The following TNFRSF10C variants were observed in gnomAD, a reference collection of about 807,000 sequenced individuals.
TNFRSF10C encodes tumor necrosis factor receptor superfamily member 10C.
A neutral mutation model predicts 16.7 loss-of-function variants in TNFRSF10C; 17 were observed. That is an observed-to-expected ratio of 1.02 (90% CI 0.70 to 1.53). The LOEUF (loss-of-function observed/expected upper bound fraction) is 1.53, where lower values mean the gene tolerates loss of function less well. TNFRSF10C is among the 40% of genes most tolerant of loss of function. The pLI, the probability that TNFRSF10C is intolerant of heterozygous loss-of-function variation, is 0.00. For missense variants in TNFRSF10C, 237 were observed against 329.7 expected, an observed-to-expected ratio of 0.72 and a Z score of 2.18; for synonymous variants, 73 against 119.7, an observed-to-expected ratio of 0.61 and a Z score of 2.55.
Position 23,116,700 on chromosome 8 carries a change from T to G in TNFRSF10C, c.449T>G (p.Val150Gly). 3 of 1,614,134 alleles carry G rather than the reference T, an allele frequency of 1.9e-6. No individual in the cohort carries two copies. Among genetic ancestry groups the G allele is most frequent in the Non-Finnish European group, 2.5e-6 (3 of 1,180,028 alleles). ...NCTSWDDIQC[V>G]EEFGANATVE... is the part of the protein sequence containing the mutation. ...ACGTCCTGGGATGATATCCAGTGTG[T>G]TGAAGAATTTGGTGCCAATGCCACT... Residue 150 changes from valine to glycine, a missense_variant, in exon 5 of 5, where the codon GTT becomes GGT. Coordinates refer to ENST00000356864, the MANE Select transcript of TNFRSF10C (RefSeq NM_003841.5).
At chr8:23,106,715 G>A (rs533496789) in intron 1 of TNFRSF10C, among the ~76,000 whole-genome samples, 11 of 152,266 alleles carry the variant, frequency 7.2e-5, no homozygotes, top group South Asian at 2.1e-4. Context: ...AGCTGGGTGC[G>A]GTGGCTCACG....
At chr8:23,106,428 ATTTTT>A (rs61058025) in intron 1 of TNFRSF10C, among the ~76,000 whole-genome samples, 2 of 130,034 alleles carry the variant, frequency 1.5e-5, no homozygotes, top group Non-Finnish European at 1.6e-5. Context: ...CCCCCACCCG[ATTTTT>A]TTTTTTTTTT....
intron 1 of TNFRSF10C, among the ~76,000 whole-genome samples, chr8:23,105,411 C>T (rs1246561391): frequency 6.6e-6 from 1 of 152,184 alleles, no homozygotes; most frequent in African/African-American, 2.4e-5. Context: ...CACCCTGGTA[C>T]TTGCTCCCTG....
intron 1 of TNFRSF10C, among the ~76,000 whole-genome samples, chr8:23,108,888 T>G (rs1362719241): frequency 6.6e-6 from 1 of 152,154 alleles, no homozygotes; most frequent in African/African-American, 2.4e-5. Flanking sequence ...ACACACAATA[T>G]GATCTCTAAA....
chr8:23,114,819 A>T lies in TNFRSF10C; in HGVS notation c.280+49A>T. ...TCCAGAGGTGGAGCGTGGGGCAATGAGGTGGGAGTTGTAGCCGATATGAGT... is the reference window on the plus strand; with the variant it reads ...TCCAGAGGTGGAGCGTGGGGCAATGTGGTGGGAGTTGTAGCCGATATGAGT... On this transcript the variant is annotated intron_variant, in intron 3 of 4. Transcript: ENST00000356864. 2.6e-6 allele frequency: 4 copies of T among 1,538,252 alleles called. No individual in the cohort carries two copies. In the African/African-American group the frequency reaches 4.1e-5, roughly 16 times the overall value.
At position 23,113,671 on chromosome 8, in the gene TNFRSF10C, A is replaced by C. The variant is rs1192623386; in HGVS notation, c.167-986A>C. 2.0e-5 allele frequency among the ~76,000 whole-genome samples: 3 copies of C among 152,272 alleles called. No individual in the cohort carries two copies. In the East Asian group the frequency reaches 5.8e-4, roughly 29 times the overall value. ...TCAGTTTATTTACCATTGTTGTGCC[A>C]TTACCATTCAGTTTTGATTACTATA... On this transcript the variant is annotated intron_variant, in intron 2 of 4. Coordinates refer to ENST00000356864, the MANE Select transcript of TNFRSF10C (RefSeq NM_003841.5).
chr8:23,116,775 C>T lies in TNFRSF10C; in HGVS notation c.524C>T (p.Pro175Leu), dbSNP rs769799430. The T allele has an allele frequency of 6.2e-7, 1 of 1,611,624 alleles. No individual in the cohort carries two copies. The highest frequency in any genetic ancestry group is 8.5e-7 in the Non-Finnish European group (1 of 1,179,650). Residue 175 changes from proline to leucine, a missense_variant, in exon 5 of 5, where the codon CCT becomes CTT. By Grantham distance (98) the Pro-to-Leu change is moderately conservative. This residue lies in a region of TNFRSF10C where 25 missense variants were observed against 133.0 expected (regional missense o/e 0.19). Transcript: ENST00000356864. ...EETMNTSPGT[P>L]APAAEETMNT... Reference sequence around the variant, plus strand: ...ACAATGAACACCAGCCCGGGGACTCCTGCCCCAGCTGCTGAAGAGACAATG... The same window carrying T: ...ACAATGAACACCAGCCCGGGGACTCTTGCCCCAGCTGCTGAAGAGACAATG...
intron 1 of TNFRSF10C, among the ~76,000 whole-genome samples, chr8:23,107,596 A>G (rs1279826084): frequency 3.3e-5 from 5 of 152,256 alleles, no homozygotes; most frequent in Admixed American, 3.3e-4. Flanking sequence ...GATCATGGAA[A>G]TAGGTATGCA....
intron 1 of TNFRSF10C, among the ~76,000 whole-genome samples, chr8:23,107,342 C>T (rs1288981230): frequency 6.6e-6 from 1 of 152,164 alleles, no homozygotes; most frequent in African/African-American, 2.4e-5. Context: ...GACATAGGAG[C>T]AAAGCGGAAG....
intron 1 of TNFRSF10C, among the ~76,000 whole-genome samples, chr8:23,106,424 C>CA (rs1156512934): frequency 9.5e-5 from 14 of 147,554 alleles, no homozygotes; most frequent in African/African-American, 3.6e-4. Flanking sequence ...TGCCCCCCCA[C>CA]CCGATTTTTT....
chr8:23,112,487 C>G (rs1208647581), intron 2 of TNFRSF10C, among the ~76,000 whole-genome samples: 1 of 152,234 alleles, frequency 6.6e-6, no homozygotes, highest in Non-Finnish European at 1.5e-5. Context: ...CCATCCAACT[C>G]AAGCCCTGGT....
In TNFRSF10C at chr8:23,117,029, T is replaced by C. The variant is rs2128832171; in HGVS notation, c.778T>C (p.Ter260ArgextTer?). 1 of 1,613,264 alleles carries C rather than the reference T, an allele frequency of 6.2e-7. No homozygotes were observed. Among genetic ancestry groups the C allele is most frequent in the African/African-American group, 1.3e-5 (1 of 75,024 alleles). ...VLIVLLIVFV[*>R] ...AATTGTGCTTCTGATTGTGTTTGTT[T>C]GAAAGACTTCACTGTGGAAGAAATT... The change falls in exon 5 of 5, where the codon TGA becomes CGA. Residue 260 changes from the stop codon to arginine (R), a stop_lost. Coordinates refer to ENST00000356864, the MANE Select transcript of TNFRSF10C (RefSeq NM_003841.5).
chr8:23,104,496 C>T (rs571650738), intron 1 of TNFRSF10C, among the ~76,000 whole-genome samples: 921 of 152,212 alleles, frequency 6.1e-3, no homozygotes, highest in African/African-American at 0.019. Context: ...TACTAAATAC[C>T]CTTGTATGTA....
chr8:23,115,674 A>G lies in TNFRSF10C; in HGVS notation c.389+58A>G. The G allele has an allele frequency of 2.1e-6, 3 of 1,397,214 alleles. No individual in the cohort carries two copies. In the South Asian group the frequency reaches 3.6e-5, roughly 17 times the overall value. 86.6% of individuals were successfully genotyped at this position (1,397,214 alleles called of 1,614,324 possible). On this transcript the variant is annotated intron_variant, in intron 4 of 4. Coordinates refer to ENST00000356864, the MANE Select transcript of TNFRSF10C (RefSeq NM_003841.5). ...TCAGGAACCCGAGAAGACCTGAGTC[A>G]CCTGGTACCCCTATTTCTCCGCTGA...
intron 1 of TNFRSF10C, among the ~76,000 whole-genome samples, chr8:23,107,275 C>A (rs1289859909): frequency 6.6e-6 from 1 of 152,186 alleles, no homozygotes; most frequent in African/African-American, 2.4e-5. Context: ...CATCTGATTC[C>A]ATTTCTCATT....
At chr8:23,106,093 C>T (rs546257009) in intron 1 of TNFRSF10C, among the ~76,000 whole-genome samples, 1 of 152,302 alleles carries the variant, frequency 6.6e-6, no homozygotes, top group African/African-American at 2.4e-5. Flanking sequence ...AGGAAGTAAA[C>T]AGTGAGCCCT....
chr8:23,116,225 C>T (rs1243786938), intron 4 of TNFRSF10C, among the ~76,000 whole-genome samples: 1 of 152,178 alleles, frequency 6.6e-6, no homozygotes, highest in Non-Finnish European at 1.5e-5. Context: ...TTCTCTGGCC[C>T]CCTAATGTTT....
In TNFRSF10C at chr8:23,102,922, G is replaced by T; in HGVS notation, c.-200G>T. The T allele has an allele frequency of 6.8e-7, 1 of 1,462,098 alleles. No individual in the cohort carries two copies. Among genetic ancestry groups the T allele is most frequent in the South Asian group, 1.4e-5 (1 of 69,958 alleles). The allele number at this position is 1,462,098 out of a possible 1,614,324, so 90.6% of individuals were successfully genotyped here. The stretch of plus-strand genomic sequence containing the variant: ...TCAGAGGCGCTGCGCTCCGATTCTG[G>T]CAGTGCAGCTGTGGGAACCTCTCCA... On this transcript the variant is annotated 5_prime_UTR_variant, in exon 1 of 5. Transcript: ENST00000356864.
chr8:23,115,267 G>A (rs2128831727), intron 3 of TNFRSF10C, among the ~76,000 whole-genome samples: 1 of 152,274 alleles, frequency 6.6e-6, no homozygotes, highest in South Asian at 2.1e-4. Context: ...TCTAAACAAT[G>A]CTTTTCCCCT....
Sources: allele counts gnomAD v4.1 joint callset (sites outside exome capture counted in the v4.1 genomes callset), GRCh38; gene constraint gnomAD v4.1.1; regional missense constraint gnomAD v4.1.1; transcripts MANE v1.5; gene names NCBI Gene and HGNC (gene_info 2026-07-23, HGNC 2026-07-21).